The following LIPC variants were observed in gnomAD, a reference collection of about 807,000 sequenced individuals.
LIPC encodes the protein hepatic triacylglycerol lipase.
In LIPC, 44 loss-of-function variants were observed where a neutral mutation model predicts 50.7. The observed-to-expected ratio is 0.87, with a 90% confidence interval of 0.68 to 1.11. The LOEUF (loss-of-function observed/expected upper bound fraction) is 1.11. Ranked by LOEUF, LIPC falls within the 50% of genes most tolerant of loss-of-function variation. The pLI is 0.00. For synonymous variants in LIPC, 271 were observed against 256.4 expected, an observed-to-expected ratio of 1.06 and a Z score of -0.54; for missense variants, 697 against 648.2, an observed-to-expected ratio of 1.08 and a Z score of -0.82.
chr15:58,505,831 G>C (rs1892128506), intron 1 of LIPC, among the ~76,000 whole-genome samples: 1 of 152,182 alleles, frequency 6.6e-6, no homozygotes, highest in Admixed American at 6.5e-5. Context: ...ATCATGAGTT[G>C]AGTATCCTGC....
Position 58,565,482 on chromosome 15 carries a change from G to A in LIPC, c.1388+1759G>A, listed in dbSNP as rs1310451607. 9 of 1,397,074 alleles carry A rather than the reference G, an allele frequency of 6.4e-6. No individual in the cohort carries two copies. The Admixed American group carries it at 8.9e-5, about 14-fold the overall frequency. 86.5% of individuals were successfully genotyped at this position (1,397,074 alleles called of 1,614,324 possible). A position where few individuals can be genotyped will look rare whatever the true frequency, so the allele number is the denominator to read the frequency against. On this transcript the variant is annotated intron_variant, in intron 8 of 8. Coordinates refer to ENST00000299022, the MANE Select transcript of LIPC (RefSeq NM_000236.3). The stretch of plus-strand genomic sequence containing the variant: ...CCTGGCCCTTCCAGGGCTCCCACAC[G>A]GGGTGAGCATTGAAGCAGGTGCTCC...
At chr15:58,503,984 C>G (rs1448036359) in intron 1 of LIPC, among the ~76,000 whole-genome samples, 1 of 152,184 alleles carries the variant, frequency 6.6e-6, no homozygotes, top group African/African-American at 2.4e-5. Flanking sequence ...AAGCCAATGA[C>G]ACTAGCAAGT....
In LIPC at chr15:58,519,908, C is replaced by T. The variant is rs574168739; in HGVS notation, c.89-18425C>T. 9.9e-5 allele frequency among the ~76,000 whole-genome samples: 15 copies of T among 152,152 alleles called. No individual in the cohort carries two copies. In the East Asian group the frequency reaches 2.9e-3, roughly 29 times the overall value. On this transcript the variant is annotated intron_variant, in intron 1 of 8. Transcript: ENST00000299022. Reference sequence around the variant, plus strand: ...CCGCTATTTCTTGGTGGATTTATCCCGTTATCTTCGCTGCTATTTGCTCCT... The same window carrying T: ...CCGCTATTTCTTGGTGGATTTATCCTGTTATCTTCGCTGCTATTTGCTCCT...
intron 1 of LIPC, among the ~76,000 whole-genome samples, chr15:58,514,038 T>C (rs1205829134): frequency 6.6e-6 from 1 of 152,182 alleles, no homozygotes; most frequent in Non-Finnish European, 1.5e-5. Flanking sequence ...TCAGATGTTG[T>C]TACAGGAAAG....
rs548455176 is a variant in LIPC at position 58,533,196 on chromosome 15, G to C, written c.89-5137G>C. 6 of 984,108 alleles carry C rather than the reference G, an allele frequency of 6.1e-6. No homozygotes were observed. The African/African-American group carries it at 1.0e-4, about 17-fold the overall frequency. The allele number at this position is 984,108 out of a possible 1,614,324, so 61.0% of individuals were successfully genotyped here. ...AGCTCCAGTTTCAGAAGGTATGCTT[G>C]GAGAATGTGCTGCTTCTAGCTTATC... On this transcript the variant is annotated intron_variant, in intron 1 of 8. Transcript: ENST00000299022.
chr15:58,533,114 G>T, intron 1 of LIPC: 1 of 974,832 alleles, frequency 1.0e-6, no homozygotes, highest in African/African-American at 1.8e-5. Context: ...TAAAACCACA[G>T]TATCATCCCC....
intron 1 of LIPC, among the ~76,000 whole-genome samples, chr15:58,529,863 C>T (rs765525510): frequency 6.6e-6 from 1 of 152,192 alleles, no homozygotes; most frequent in Non-Finnish European, 1.5e-5. Flanking sequence ...TCATCACTAC[C>T]AATAAAAGGT....
intron 4 of LIPC, among the ~76,000 whole-genome samples, chr15:58,543,109 C>T (rs1421386042): frequency 6.6e-6 from 1 of 152,138 alleles, no homozygotes; most frequent in African/African-American, 2.4e-5. Flanking sequence ...AGGGAGGGAG[C>T]TCTGCATCCA....
At chr15:58,506,925 A>T (rs746200522) in intron 1 of LIPC, among the ~76,000 whole-genome samples, 1 of 152,254 alleles carries the variant, frequency 6.6e-6, no homozygotes, top group Non-Finnish European at 1.5e-5. Context: ...CAATCATTGC[A>T]GAGGAGGAAG....
In LIPC at chr15:58,538,377, C is replaced by T. The variant is rs374220111; in HGVS notation, c.133C>T (p.Leu45=). ...RAQAVETNKT[L]HEMKTRFLLF... ...TCAAGCTGTTGAAACAAACAAAACG[C>T]TGCATGAGATGAAGACCAGATTCCT... The change falls in exon 2 of 9, where the codon CTG becomes TTG. Residue 45 remains leucine, a synonymous_variant. Transcript: ENST00000299022. 5.0e-6 allele frequency: 8 copies of T among 1,614,068 alleles called. No individual in the cohort carries two copies. The African/African-American group carries it at 1.1e-4, about 22-fold the overall frequency.
chr15:58,516,237 C>CT (rs11351202), intron 1 of LIPC, among the ~76,000 whole-genome samples: 1,076 of 45,044 alleles, frequency 0.024, 18 homozygotes, highest in African/African-American at 0.045. Context: ...CCTCTAGCTT[C>CT]TTTTTTTTTT....
intron 8 of LIPC, chr15:58,565,091 C>T: frequency 8.9e-7 from 1 of 1,119,184 alleles, no homozygotes; most frequent in Middle Eastern, 2.0e-4. Context: ...CCCTGAGTCC[C>T]TTTATACAAC....
intron 1 of LIPC, among the ~76,000 whole-genome samples, chr15:58,536,726 T>C (rs1294984534): frequency 1.3e-5 from 2 of 152,210 alleles, no homozygotes; most frequent in Non-Finnish European, 2.9e-5. Flanking sequence ...ATTTTCTTCA[T>C]TATCTCAGAA....
At chr15:58,466,759 C>T in intron 1 of LIPC, among the ~76,000 whole-genome samples, 1 of 152,228 alleles carries the variant, frequency 6.6e-6, no homozygotes, top group South Asian at 2.1e-4. Context: ...TCCAGCATCT[C>T]AGTCAGCTGA....
At chr15:58,437,455 G>T (rs143101502) in intron 1 of LIPC, among the ~76,000 whole-genome samples, 415 of 152,236 alleles carry the variant, frequency 2.7e-3, no homozygotes, top group Non-Finnish European at 4.3e-3. Context: ...GACACATGCT[G>T]TATATTGCTA....
intron 1 of LIPC, among the ~76,000 whole-genome samples, chr15:58,471,779 G>GGC (rs1890817987): frequency 6.6e-6 from 1 of 152,172 alleles, no homozygotes; most frequent in Non-Finnish European, 1.5e-5. Flanking sequence ...AGAAAGGGCA[G>GGC]GCACCTGGAG....
Position 58,563,528 on chromosome 15 carries a change from A to G in LIPC, c.1193A>G (p.Lys398Arg). 1 of 1,614,128 alleles carries G rather than the reference A, an allele frequency of 6.2e-7. No individual in the cohort carries two copies. The highest frequency in any genetic ancestry group is 1.1e-5 in the South Asian group (1 of 91,076). The change falls in exon 8 of 9, where the codon AAA becomes AGA. Residue 398 changes from lysine to arginine, a missense_variant. Lys to Arg is a conservative substitution (Grantham distance 26). Transcript: ENST00000299022. ...AGGGGCAAAGGAATTGCTAGTAATA[A>G]AACGTATTCCTTTCTTATCACGCTG... is the stretch of plus-strand genomic sequence containing the variant. The part of the protein sequence containing the change: ...ITLGKGIASN[K>R]TYSFLITLDV...
chr15:58,450,120 C>T (rs1450512085), intron 1 of LIPC, among the ~76,000 whole-genome samples: 1 of 152,176 alleles, frequency 6.6e-6, no homozygotes, highest in African/African-American at 2.4e-5. Flanking sequence ...TCAAGACCCC[C>T]AAGGAGCTTA....
chr15:58,561,000 C>T lies in LIPC; in HGVS notation c.1169+19C>T, dbSNP rs1463588260. The T allele has an allele frequency of 2.9e-6, 3 of 1,018,048 alleles. No homozygotes were observed. The highest frequency in any genetic ancestry group is 4.4e-6 in the Non-Finnish European group (3 of 680,618). 63.1% of individuals were successfully genotyped at this position (1,018,048 alleles called of 1,614,324 possible). A position where few individuals can be genotyped will look rare whatever the true frequency, so the allele number is the denominator to read the frequency against. The stretch of plus-strand genomic sequence containing the variant: ...TCACTCTGTGAGTAGGAGGTGTAGC[C>T]CCCTAGGGTGATGACACACTTATTT... On this transcript the variant is annotated intron_variant, in intron 7 of 8. Coordinates refer to ENST00000299022, the MANE Select transcript of LIPC (RefSeq NM_000236.3).
Sources: gnomAD v4.1 joint callset for allele counts (sites outside exome capture counted in the v4.1 genomes callset) on GRCh38, gnomAD v4.1.1 for gene constraint, MANE v1.5 for transcripts, NCBI Gene and HGNC (gene_info 2026-07-23, HGNC 2026-07-21) for gene names.